Variants in NTM observed in about 807,000 individuals in gnomAD.
NTM encodes the protein IgLON family member 2.
A neutral mutation model predicts 42.1 loss-of-function variants in NTM; 13 were observed. That is an observed-to-expected ratio of 0.31 (90% CI 0.20 to 0.49). The LOEUF is 0.49. Ranked by LOEUF, NTM falls within the 20% of genes least tolerant of loss-of-function variation. The pLI, the probability that NTM is intolerant of heterozygous loss-of-function variation, is 0.99. For synonymous variants in NTM, 187 were observed against 179.2 expected (o/e 1.04, Z -0.35); for missense variants, 373 against 452.8 (o/e 0.82, Z 1.60).
intron 1 of NTM, among the ~76,000 whole-genome samples, chr11:131,669,099 G>A (rs150861798): frequency 1.7e-3 from 258 of 152,218 alleles, no homozygotes; most frequent in African/African-American, 5.3e-3. Flanking sequence ...TCTGTGCCCC[G>A]TAGGGTTGGT....
intron 3 of NTM, among the ~76,000 whole-genome samples, chr11:132,158,054 A>G (rs1056215942): frequency 3.3e-5 from 5 of 152,108 alleles, no homozygotes; most frequent in Non-Finnish European, 7.4e-5. Flanking sequence ...TCTGTTCTCC[A>G]TGCTCAGCGA....
intron 7 of NTM, among the ~76,000 whole-genome samples, chr11:132,320,815 G>A (rs577433006): frequency 3.4e-4 from 51 of 151,518 alleles, no homozygotes; most frequent in East Asian, 2.7e-3. Context: ...CTCCCAGTAC[G>A]CAGCTGGAGA....
chr11:131,982,280 G>A (rs758484521), intron 2 of NTM, among the ~76,000 whole-genome samples: 7 of 152,072 alleles, frequency 4.6e-5, no homozygotes, highest in Non-Finnish European at 1.0e-4. Flanking sequence ...TTGGAGTAGA[G>A]TTTGCAACCC....
At chr11:131,756,455 C>T (rs1032035950) in intron 1 of NTM, among the ~76,000 whole-genome samples, 8 of 150,810 alleles carry the variant, frequency 5.3e-5, no homozygotes, top group South Asian at 2.1e-4. Flanking sequence ...ACTCTGGAGA[C>T]GGAGGTTGCA....
intron 2 of NTM, among the ~76,000 whole-genome samples, chr11:132,124,238 C>T (rs902577385): frequency 1.1e-4 from 17 of 152,072 alleles, no homozygotes; most frequent in African/African-American, 2.4e-4. Context: ...TTCTACTTCC[C>T]GGTGTCTCCT....
intron 2 of NTM, among the ~76,000 whole-genome samples, chr11:131,990,511 A>ATGTG (rs140653772): frequency 6.6e-6 from 1 of 151,214 alleles, no homozygotes; most frequent in African/African-American, 2.4e-5. Context: ...GTGTGTTTGC[A>ATGTG]TGTGTGTGTG....
In NTM at chr11:132,050,236, C is replaced by T. The variant is rs1166289282; in HGVS notation, c.168-96046C>T. 2.6e-5 allele frequency among the ~76,000 whole-genome samples: 4 copies of T among 152,066 alleles called. No individual in the cohort carries two copies. The East Asian group carries it at 7.8e-4, about 29-fold the overall frequency. On this transcript the variant is annotated intron_variant, in intron 2 of 8. Coordinates refer to ENST00000683400, the MANE Select transcript of NTM (RefSeq NM_001352005.2). ...TGCTGAAAGGCAAGCTAATAGTTAC[C>T]CAGCCAGGGTCAAGCAGCTGGAGAG...
intron 2 of NTM, among the ~76,000 whole-genome samples, chr11:131,985,631 G>T (rs2065942312): frequency 6.6e-6 from 1 of 152,124 alleles, no homozygotes; most frequent in Admixed American, 6.5e-5. Context: ...CTGGGGTAAG[G>T]GGAGAGCACG....
At chr11:131,789,919 G>A (rs1396936612) in intron 1 of NTM, among the ~76,000 whole-genome samples, 2 of 123,594 alleles carry the variant, frequency 1.6e-5, no homozygotes, top group Non-Finnish European at 3.1e-5. Flanking sequence ...TCGCGCCACT[G>A]CACTCCAGCC....
At chr11:132,023,209 A>T (rs1327647062) in intron 2 of NTM, among the ~76,000 whole-genome samples, 1 of 152,216 alleles carries the variant, frequency 6.6e-6, no homozygotes, top group Admixed American at 6.5e-5. Context: ...GTGGGACATT[A>T]TCTCCATTGT....
At chr11:131,665,677 A>G (rs968285426) in intron 1 of NTM, among the ~76,000 whole-genome samples, 1 of 152,198 alleles carries the variant, frequency 6.6e-6, no homozygotes, top group African/African-American at 2.4e-5. Flanking sequence ...TACCCAGTCT[A>G]TGGTATTTTA....
At chr11:132,025,771 A>T (rs2075089385) in intron 2 of NTM, among the ~76,000 whole-genome samples, 1 of 152,192 alleles carries the variant, frequency 6.6e-6, no homozygotes, top group Non-Finnish European at 1.5e-5. Flanking sequence ...AATAGCTTTT[A>T]TCCTGAAGTT....
chr11:132,221,051 C>G (rs1207157059), intron 4 of NTM, among the ~76,000 whole-genome samples: 1 of 152,134 alleles, frequency 6.6e-6, no homozygotes, highest in East Asian at 1.9e-4. Flanking sequence ...TTGTGTAGGA[C>G]CCTCCGAGCA....
At chr11:131,559,068 G>A (rs1260021354) in intron 1 of NTM, among the ~76,000 whole-genome samples, 1 of 152,028 alleles carries the variant, frequency 6.6e-6, no homozygotes, top group African/African-American at 2.4e-5. Context: ...ATTCAATATC[G>A]AATTGAAGGA....
intron 1 of NTM, among the ~76,000 whole-genome samples, chr11:131,465,883 G>A (rs946121791): frequency 6.6e-6 from 1 of 152,206 alleles, no homozygotes. Flanking sequence ...ACCCCTCTCT[G>A]TCCTCCAAAG....
intron 4 of NTM, chr11:132,306,309 C>T (rs1289230741): frequency 6.6e-6 from 1 of 152,196 alleles, no homozygotes; most frequent in Non-Finnish European, 1.5e-5. Flanking sequence ...TGTTTTCGTG[C>T]TCTGGGCCAG....
At chr11:131,855,905 C>A (rs536306003) in intron 1 of NTM, among the ~76,000 whole-genome samples, 2 of 152,098 alleles carry the variant, frequency 1.3e-5, no homozygotes, top group African/African-American at 2.4e-5. Context: ...GTCTGACACA[C>A]GTCAGATATT....
At chr11:131,374,074 G>A (rs1368025038) in intron 1 of NTM, among the ~76,000 whole-genome samples, 1 of 152,210 alleles carries the variant, frequency 6.6e-6, no homozygotes, top group Non-Finnish European at 1.5e-5. Context: ...ATATCTACTG[G>A]CAAAGTGGAA....
At chr11:131,579,152 C>A (rs1488209993) in intron 1 of NTM, among the ~76,000 whole-genome samples, 2 of 152,106 alleles carry the variant, frequency 1.3e-5, no homozygotes, top group African/African-American at 4.8e-5. Flanking sequence ...GTGGAGACTG[C>A]TGTAGGGTCA....
Sources: gnomAD v4.1 joint callset for allele counts (sites outside exome capture counted in the v4.1 genomes callset) on GRCh38, gnomAD v4.1.1 for gene constraint, MANE v1.5 for transcripts, NCBI Gene and HGNC (gene_info 2026-07-23, HGNC 2026-07-21) for gene names.